TMEM165: variants seen among roughly 807,000 people sequenced by gnomAD.
The protein encoded by TMEM165 is putative divalent cation/proton antiporter TMEM165.
In TMEM165, 19 loss-of-function variants were observed where a neutral mutation model predicts 30.0. The ratio of observed to expected loss-of-function variants is 0.63; its 90% CI spans 0.44 to 0.93. The LOEUF is 0.93. Ranked by LOEUF, TMEM165 falls within the 40% of genes least tolerant of loss-of-function variation. TMEM165 has a pLI of 0.00. For missense variants in TMEM165, 340 were observed against 417.0 expected (o/e 0.82, Z 1.61); for synonymous variants, 168 against 162.9 (o/e 1.03, Z -0.24).
intron 3 of TMEM165, chr4:55,444,590 AT>A: frequency 6.2e-7 from 1 of 1,612,988 alleles, no homozygotes; most frequent in Non-Finnish European, 8.5e-7. Context: ...GAAATCCAAA[AT>A]GTGAATGGGA....
At chr4:55,412,307 T>C (rs1056500685) in intron 2 of TMEM165, among the ~76,000 whole-genome samples, 2 of 146,808 alleles carry the variant, frequency 1.4e-5, no homozygotes, top group East Asian at 2.0e-4. Flanking sequence ...GGCAGGAGAA[T>C]CGCTTGAACC....
At chr4:55,400,837 A>ATGT (rs1720969810) in intron 1 of TMEM165, among the ~76,000 whole-genome samples, 2 of 150,616 alleles carry the variant, frequency 1.3e-5, no homozygotes, top group Non-Finnish European at 2.9e-5. Flanking sequence ...TTTCTAAACT[A>ATGT]TGTAATATAA....
At chr4:55,408,068 G>A (rs920988689) in intron 1 of TMEM165, among the ~76,000 whole-genome samples, 20 of 152,176 alleles carry the variant, frequency 1.3e-4, no homozygotes, top group African/African-American at 4.8e-4. Context: ...CAAAGAAGAT[G>A]ATCCTTGCAC....
At position 55,396,292 on chromosome 4, in the gene TMEM165, C is replaced by T; in HGVS notation, c.103C>T (p.Pro35Ser). ...LWAPAAVRAG[P>S]DEDLSHRNKE... ...GGCCCCGGCTGCGGTCCGGGCCGGC[C>T]CAGATGAAGACCTTAGCCACCGGAA... Residue 35 changes from proline to serine, a missense_variant, in exon 1 of 6, where the codon CCA (proline) becomes TCA (serine). Transcript: ENST00000381334. The T allele has an allele frequency of 6.5e-7, 1 of 1,530,664 alleles. No homozygotes were observed. The highest frequency in any genetic ancestry group is 8.7e-7 in the Non-Finnish European group (1 of 1,144,400). 94.8% of individuals were successfully genotyped at this position (1,530,664 alleles called of 1,614,324 possible).
intron 3 of TMEM165, among the ~76,000 whole-genome samples, chr4:55,445,921 T>C (rs1406559642): frequency 1.3e-5 from 2 of 151,990 alleles, no homozygotes; most frequent in Non-Finnish European, 2.9e-5. Context: ...TTAGGTTCTC[T>C]TTACTTCTTT....
chr4:55,402,403 G>GTGTGTGTATATATA (rs1334888892), intron 1 of TMEM165, among the ~76,000 whole-genome samples: 14 of 48,146 alleles, frequency 2.9e-4, no homozygotes, highest in East Asian at 8.6e-4. Context: ...GTGTGTGTGT[G>GTGTGTGTATATATA]TATATATATA....
intron 1 of TMEM165, among the ~76,000 whole-genome samples, chr4:55,407,196 A>G (rs1358054046): frequency 1.3e-5 from 2 of 152,234 alleles, no homozygotes; most frequent in East Asian, 3.9e-4. Flanking sequence ...ACCTTGAGGA[A>G]TCTGGATGAA....
In TMEM165 at chr4:55,425,743, G is replaced by A; in HGVS notation, c.*291G>A. 4.6e-6 allele frequency: 1 copy of A among 218,532 alleles called. No individual in the cohort carries two copies. The highest frequency in any genetic ancestry group is 8.9e-6 in the Non-Finnish European group (1 of 112,484). The allele number at this position is 218,532 out of a possible 1,614,324, so 13.5% of individuals were successfully genotyped here. A position where few individuals can be genotyped will look rare whatever the true frequency, so the allele number is the denominator to read the frequency against. On this transcript the variant is annotated 3_prime_UTR_variant, in exon 6 of 6. Transcript: ENST00000381334. ...ACCGTTGTGCAGTGGGGTCTACCAT[G>A]CAATTTTCTTTCAGCACTGACCCCT...
chr4:55,410,856 A>T (rs1379423437), intron 1 of TMEM165, among the ~76,000 whole-genome samples: 1 of 152,162 alleles, frequency 6.6e-6, no homozygotes, highest in Non-Finnish European at 1.5e-5. Flanking sequence ...ATTTTGGCCA[A>T]GCGTGGTGGC....
chr4:55,437,250 G>C (rs1722955247), intron 3 of TMEM165, among the ~76,000 whole-genome samples: 1 of 152,138 alleles, frequency 6.6e-6, no homozygotes, highest in South Asian at 2.1e-4. Context: ...ATTTATGCCT[G>C]AATATAGAGT....
Position 55,402,403 on chromosome 4 carries a change from G to GTGTGTATATATATA in TMEM165, c.207+6008_207+6009insGTGTATATATATAT, listed in dbSNP as rs1334888892. On this transcript the variant is annotated intron_variant, in intron 1 of 5. Transcript: ENST00000381334. ...TAAGTGCGTGCGTGTGTGTGTGTGT[G>GTGTGTATATATATA]TATATATATATATATATATATATAT... Among the ~76,000 whole-genome samples, 41 of 48,128 alleles carry GTGTGTATATATATA rather than the reference G, an allele frequency of 8.5e-4. No individual in the cohort carries two copies. In the East Asian group the frequency reaches 0.012, roughly 14 times the overall value. 31.6% of individuals were successfully genotyped at this position (48,128 alleles called of 152,430 possible). A position where few individuals can be genotyped will look rare whatever the true frequency, so the allele number is the denominator to read the frequency against.
At chr4:55,450,258 T>C in intron 3 of TMEM165, 1 of 1,613,608 alleles carries the variant, frequency 6.2e-7, no homozygotes, top group Non-Finnish European at 8.5e-7. Context: ...AAAATAAATG[T>C]TTTCTTGTGG....
At chr4:55,428,773 T>G (rs1722341323), downstream of TMEM165, 1 of 151,808 alleles carries the variant, frequency 6.6e-6, no homozygotes, top group Non-Finnish European at 1.5e-5. Flanking sequence ...AATGAAAAAT[T>G]TACAAAGGTA....
At position 55,403,133 on chromosome 4, in the gene TMEM165, T is replaced by G. The variant is rs893702302; in HGVS notation, c.207+6737T>G. 5.5e-6 allele frequency: 4 copies of G among 724,166 alleles called. No homozygotes were observed. The Admixed American group carries it at 1.0e-4, about 18-fold the overall frequency. 44.9% of individuals were successfully genotyped at this position (724,166 alleles called of 1,614,324 possible). A position where few individuals can be genotyped will look rare whatever the true frequency, so the allele number is the denominator to read the frequency against. On this transcript the variant is annotated intron_variant, in intron 1 of 5. Transcript: ENST00000381334. ...GACTTAGTAGTGCCCAGGAGACAGT[T>G]CTAAGCAAATTGTAAGCATTTTCTT...
chr4:55,396,265 TG>T lies in TMEM165; in HGVS notation c.79del (p.Ala27ProfsTer90). ...LLLLFLVPLL[W>X]APAAVRAGPD... is the part of the protein sequence containing the mutation. ...TCTGCTCTTTCTGGTTCCGCTGCTGTGGGCCCCGGCTGCGGTCCGGGCCGGC... is the reference window on the plus strand; with the variant it reads ...TCTGCTCTTTCTGGTTCCGCTGCTGTGGCCCCGGCTGCGGTCCGGGCCGGC... On this transcript the variant is annotated frameshift_variant, in exon 1 of 6. Transcript: ENST00000381334. LOFTEE classifies it high-confidence loss of function. The T allele has an allele frequency of 6.6e-7, 1 of 1,519,780 alleles. No individual in the cohort carries two copies. The highest frequency in any genetic ancestry group is 8.8e-7 in the Non-Finnish European group (1 of 1,140,350). The allele number at this position is 1,519,780 out of a possible 1,614,324, so 94.1% of individuals were successfully genotyped here. A position where few individuals can be genotyped will look rare whatever the true frequency, so the allele number is the denominator to read the frequency against.
chr4:55,396,494 C>A, intron 1 of TMEM165, 98 bp downstream of exon 1: 1 of 1,111,970 alleles, frequency 9.0e-7, no homozygotes, highest in Non-Finnish European at 1.2e-6. Context: ...CCGGCCTCGG[C>A]TGGGGGAGGG....
intron 3 of TMEM165, among the ~76,000 whole-genome samples, chr4:55,435,961 C>T (rs1307386426): frequency 2.6e-5 from 4 of 152,104 alleles, no homozygotes; most frequent in South Asian, 2.1e-4. Context: ...ACTCTGAGGC[C>T]AGACAGACAA....
At chr4:55,427,566 A>G (rs1259830376), downstream of TMEM165, among the ~76,000 whole-genome samples, 1 of 151,186 alleles carries the variant, frequency 6.6e-6, no homozygotes, top group African/African-American at 2.4e-5. Context: ...GCTGGTCTTG[A>G]ACTCATGACC....
chr4:55,396,521 C>T (rs930665842), intron 1 of TMEM165, 125 bp downstream of exon 1: 2 of 819,292 alleles, frequency 2.4e-6, no homozygotes, highest in Non-Finnish European at 3.4e-6. Context: ...GGCCCCTGCT[C>T]CCGGGGTGGA....
Sources: allele counts gnomAD v4.1 joint callset (sites outside exome capture counted in the v4.1 genomes callset), GRCh38; gene constraint gnomAD v4.1.1; transcripts MANE v1.5; gene names NCBI Gene and HGNC (gene_info 2026-07-23, HGNC 2026-07-21).